Variants in NPIPB7 observed in about 807,000 individuals in gnomAD.
NPIPB7 encodes the protein nuclear pore complex-interacting protein family member B7.
For missense variants in NPIPB7, 14 were observed against 238.5 expected, an observed-to-expected ratio of 0.06 and a Z score of 6.20; for synonymous variants, 9 against 88.1, an observed-to-expected ratio of 0.10 and a Z score of 5.03.
exon 1 of NPIPB7, chr16:28,470,526 GGGCC>G (rs1271412027): frequency 1.4e-6 from 1 of 723,224 alleles, no homozygotes; most frequent in Admixed American, 2.7e-5. Flanking sequence ...ACGGGGACCG[GGGCC>G]GGATCTGAGT....
chr16:28,462,116 C>A (rs2045874672), intron 4 of NPIPB7, among the ~76,000 whole-genome samples: 1 of 137,360 alleles, frequency 7.3e-6, no homozygotes, highest in African/African-American at 2.7e-5. Flanking sequence ...GATTCTATCT[C>A]AAAATTTAAA....
At chr16:28,468,794 G>A (rs1163529244) in intron 1 of NPIPB7, among the ~76,000 whole-genome samples, 4 of 92,404 alleles carry the variant, frequency 4.3e-5, no homozygotes, top group Admixed American at 4.1e-4. Context: ...GTGACAGAGT[G>A]AGACTCTGTC....
At chr16:28,464,356 C>T (rs2141681049) in intron 2 of NPIPB7, among the ~76,000 whole-genome samples, 1 of 151,642 alleles carries the variant, frequency 6.6e-6, no homozygotes, top group South Asian at 2.1e-4. Flanking sequence ...ACTGAATTCC[C>T]TCCAAGATTT....
chr16:28,468,501 T>C (rs1347585603), intron 1 of NPIPB7, among the ~76,000 whole-genome samples: 2 of 148,884 alleles, frequency 1.3e-5, no homozygotes, highest in African/African-American at 2.5e-5. Context: ...AGTATCAAAT[T>C]TTAGTGCTTA....
chr16:28,462,153 C>T (rs1212502748), intron 4 of NPIPB7, among the ~76,000 whole-genome samples: 4 of 150,152 alleles, frequency 2.7e-5, no homozygotes, highest in African/African-American at 1.0e-4. Flanking sequence ...GGTGTGGTGG[C>T]TCACGCCTCT....
At chr16:28,463,339 CG>C (rs1567248617) in intron 2 of NPIPB7, among the ~76,000 whole-genome samples, 1 of 132,714 alleles carries the variant, frequency 7.5e-6, no homozygotes, top group Non-Finnish European at 1.6e-5. Flanking sequence ...TGCAGTGAGC[CG>C]AGATCACACC....
chr16:28,472,058 T>C (rs929585043), upstream of NPIPB7, among the ~76,000 whole-genome samples: 4 of 152,196 alleles, frequency 2.6e-5, no homozygotes, highest in Non-Finnish European at 4.4e-5. Context: ...GGATTCACAT[T>C]TCCTATTTTC....
chr16:28,470,094 G>A (rs1294026328), intron 1 of NPIPB7, among the ~76,000 whole-genome samples: 2 of 140,576 alleles, frequency 1.4e-5, no homozygotes, highest in East Asian at 2.1e-4. Flanking sequence ...TCACTGCAAC[G>A]TCCAGCTCCT....
At chr16:28,463,658 A>G (rs2045886272) in intron 2 of NPIPB7, among the ~76,000 whole-genome samples, 1 of 110,696 alleles carries the variant, frequency 9.0e-6, no homozygotes, top group Non-Finnish European at 2.0e-5. Flanking sequence ...CCCAGCAAGA[A>G]AAGGTTGTGG....
chr16:28,457,960 CT>C (rs1179437939), intron 6 of NPIPB7, among the ~76,000 whole-genome samples: 1 of 140,178 alleles, frequency 7.1e-6, no homozygotes, highest in African/African-American at 2.6e-5. Flanking sequence ...AGTTTTAAAA[CT>C]GTGTTTCACT....
At chr16:28,462,493 G>A (rs1337345101) in intron 4 of NPIPB7, among the ~76,000 whole-genome samples, 181 bp downstream of exon 4, 13 of 106,226 alleles carry the variant, frequency 1.2e-4, no homozygotes, top group East Asian at 7.0e-4. Context: ...TTACAAACAA[G>A]AATGTAGGAA....
intron 4 of NPIPB7, among the ~76,000 whole-genome samples, chr16:28,461,478 A>C (rs4122314): frequency 1.9e-4 from 27 of 142,660 alleles, no homozygotes; most frequent in African/African-American, 6.4e-4. Flanking sequence ...AATACAATGT[A>C]ATATGACCAA....
exon 1 of NPIPB7, chr16:28,470,510 A>T (rs1277504729): frequency 7.0e-6 from 8 of 1,135,938 alleles, no homozygotes; most frequent in Non-Finnish European, 9.5e-6. Context: ...GGGGGGAGGG[A>T]AGGGGACGGG....
At chr16:28,462,360 G>A (rs1327689820) in intron 4 of NPIPB7, among the ~76,000 whole-genome samples, 2 of 143,856 alleles carry the variant, frequency 1.4e-5, no homozygotes, top group African/African-American at 5.1e-5. Context: ...GCAGTGAGCT[G>A]AGATTGTGCC....
upstream of NPIPB7, among the ~76,000 whole-genome samples, chr16:28,470,702 C>T (rs1019811012): frequency 2.7e-5 from 4 of 149,226 alleles, no homozygotes; most frequent in Non-Finnish European, 6.0e-5. Context: ...TGTTGGGCAC[C>T]TGGAGGAGGT....
intron 1 of NPIPB7, chr16:28,469,930 C>T: frequency 3.5e-6 from 1 of 285,612 alleles, no homozygotes; most frequent in South Asian, 3.2e-5. Context: ...CGAGATCTTG[C>T]CACTGCACTC....
At position 28,461,447 on chromosome 16, in the gene NPIPB7, A is replaced by T. The variant is rs368816898; in HGVS notation, c.545+1227T>A. Among the ~76,000 whole-genome samples the T allele has an allele frequency of 6.3e-4, 91 of 143,546 alleles. No individual in the cohort carries two copies. In the South Asian group the frequency reaches 9.3e-3, roughly 15 times the overall value. The allele number at this position is 143,546 out of a possible 152,430, so 94.2% of individuals were successfully genotyped here. A position where few individuals can be genotyped will look rare whatever the true frequency, so the allele number is the denominator to read the frequency against. ...CAAGTATCTCACATTTAACAAAAAG[A>T]GATCAGTCATATGGCAGCAAAATAC... On this transcript the variant is annotated intron_variant, in intron 4 of 6. Coordinates refer to ENST00000452313, the Ensembl canonical transcript of NPIPB7.
At chr16:28,468,550 TGCA>T (rs1436500023) in intron 1 of NPIPB7, among the ~76,000 whole-genome samples, 1 of 140,916 alleles carries the variant, frequency 7.1e-6, no homozygotes, top group East Asian at 2.1e-4. Context: ...GGCTCACGCC[TGCA>T]ATCTCAGCAC....
At chr16:28,464,371 A>G (rs1484910302) in intron 2 of NPIPB7, among the ~76,000 whole-genome samples, 3 of 151,864 alleles carry the variant, frequency 2.0e-5, no homozygotes, top group Non-Finnish European at 2.9e-5. Context: ...AGATTTCCAT[A>G]TTATCACAGT....
Sources: allele counts gnomAD v4.1 joint callset (sites outside exome capture counted in the v4.1 genomes callset), GRCh38; gene constraint gnomAD v4.1.1; transcripts MANE v1.5; gene names NCBI Gene and HGNC (gene_info 2026-07-23, HGNC 2026-07-21).